Variants in BABAM1 observed in about 807,000 individuals in gnomAD.
BABAM1 encodes the protein BRISC and BRCA1 A complex member 1.
BABAM1 carries 14 observed loss-of-function variants against 34.4 expected under a neutral mutation model. The ratio of observed to expected loss-of-function variants is 0.41; its 90% confidence interval spans 0.27 to 0.64. The LOEUF (loss-of-function observed/expected upper bound fraction) is 0.64. BABAM1 is among the 30% of genes least tolerant of loss of function. BABAM1 has a pLI of 0.34. For synonymous variants in BABAM1, 169 were observed against 165.8 expected, an observed-to-expected ratio of 1.02 and a Z score of -0.15; for missense variants, 393 against 434.0, an observed-to-expected ratio of 0.91 and a Z score of 0.84.
chr19:17,273,564 G>GTTTTTT (rs754203595), intron 3 of BABAM1, among the ~76,000 whole-genome samples: 32 of 45,920 alleles, frequency 7.0e-4, no homozygotes, highest in African/African-American at 1.0e-3. Context: ...TGTTTGTTTT[G>GTTTTTT]TTTTTTTTTT....
At chr19:17,273,549 TTTTTTGTTTGTTTTG>T (rs1290125026) in intron 3 of BABAM1, among the ~76,000 whole-genome samples, 439 of 21,092 alleles carry the variant, frequency 0.021, 46 homozygotes, top group African/African-American at 0.049. Context: ...AAGGAAGTTT[TTTTTTGTTTGTTTTG>T]TTTTTTTTTT....
In BABAM1 at chr19:17,269,029, G is replaced by A; in HGVS notation, c.223G>A (p.Val75Met). The A allele has an allele frequency of 5.0e-6, 8 of 1,592,234 alleles. No individual in the cohort carries two copies. The highest frequency in any genetic ancestry group is 6.8e-6 in the Non-Finnish European group (8 of 1,170,788). ...TSGAGPKSWQ[V>M]PPPAPEVQIR... ...AGGAGCCGGCCCTAAGTCCTGGCAG[G>A]TGCCCCCGCCAGCCCCTGAGGTCCA... The change falls in exon 2 of 9, where the codon GTG becomes ATG. Residue 75 changes from valine (V) to methionine (M), a missense_variant. Transcript: ENST00000598188.
In BABAM1 at chr19:17,276,674, G is replaced by A. The variant is rs375135043; in HGVS notation, c.699+50G>A. 2.9e-5 allele frequency: 46 copies of A among 1,572,774 alleles called. No homozygotes were observed. The African/African-American group carries it at 6.2e-4, about 21-fold the overall frequency. On this transcript the variant is annotated intron_variant, in intron 7 of 8. Transcript: ENST00000598188. ...GGGTGCCTGCAGCCATGAGGATGGT[G>A]GTTAGACACCAGGAGGGACTTCCAA... is the stretch of plus-strand genomic sequence containing the variant.
intron 5 of BABAM1, among the ~76,000 whole-genome samples, chr19:17,274,767 G>C (rs530266163): frequency 1.3e-5 from 2 of 152,186 alleles, no homozygotes; most frequent in African/African-American, 2.4e-5. Context: ...GACATAAAAG[G>C]CTCATGTGTG....
At chr19:17,274,268 ACT>A (rs2145619832) in intron 5 of BABAM1, 83 bp downstream of exon 5, 1 of 1,529,160 alleles carries the variant, frequency 6.5e-7, no homozygotes, top group Non-Finnish European at 9.0e-7. Context: ...CTAAGTCATG[ACT>A]CTGGCTGGCT....
intron 5 of BABAM1, 41 bp from the exon 6 acceptor site, chr19:17,275,760 C>A (rs1483160006): frequency 6.2e-7 from 1 of 1,613,232 alleles, no homozygotes; most frequent in Non-Finnish European, 8.5e-7. Flanking sequence ...GTTTCCCGCT[C>A]ACTCGTGCTC....
chr19:17,268,713 G>A (rs2073800283), intron 1 of BABAM1, 81 bp from the exon 2 acceptor site: 1 of 1,406,364 alleles, frequency 7.1e-7, no homozygotes, highest in Admixed American at 2.7e-5. Context: ...ACAGGCATGA[G>A]CCACCGTGCC....
At chr19:17,274,498 G>T in intron 5 of BABAM1, 1 of 346,440 alleles carries the variant, frequency 2.9e-6, no homozygotes, top group Non-Finnish European at 5.4e-6. Flanking sequence ...AGTCCGGGAG[G>T]CGGAGGTTGC....
intron 2 of BABAM1, 83 bp from the exon 3 acceptor site, chr19:17,271,514 G>C: frequency 6.8e-7 from 1 of 1,477,506 alleles, no homozygotes; most frequent in South Asian, 1.2e-5. Flanking sequence ...TTTCAGACAA[G>C]GCAGCTTGAA....
chr19:17,274,551 G>T, intron 5 of BABAM1: 1 of 223,164 alleles, frequency 4.5e-6, no homozygotes, highest in Non-Finnish European at 8.9e-6. Flanking sequence ...CTGGGAGACA[G>T]AGTGAGACTC....
At chr19:17,277,202 CTTTTT>C (rs10532887) in intron 8 of BABAM1, 248 of 176,662 alleles carry the variant, frequency 1.4e-3, no homozygotes, top group South Asian at 4.3e-3. Context: ...CTTTCTTCTT[CTTTTT>C]TTTTTTTTTT....
chr19:17,274,918 T>C (rs1178817729), intron 5 of BABAM1, among the ~76,000 whole-genome samples: 1 of 152,190 alleles, frequency 6.6e-6, no homozygotes, highest in Admixed American at 6.6e-5. Context: ...GGGGACCTTT[T>C]TTTATTTTTG....
chr19:17,275,135 G>C (rs925620961), intron 5 of BABAM1, among the ~76,000 whole-genome samples: 3 of 151,604 alleles, frequency 2.0e-5, no homozygotes, highest in African/African-American at 7.3e-5. Flanking sequence ...GAATTCCTGG[G>C]CTCAAGTGAT....
chr19:17,275,665 G>T, intron 5 of BABAM1, 136 bp from the exon 6 acceptor site: 1 of 1,042,168 alleles, frequency 9.6e-7, no homozygotes, highest in South Asian at 1.3e-5. Context: ...GTGTGTCAGA[G>T]AGGGCAAGTG....
At chr19:17,273,168 C>T (rs1177060023) in intron 3 of BABAM1, among the ~76,000 whole-genome samples, 1 of 152,190 alleles carries the variant, frequency 6.6e-6, no homozygotes, top group Non-Finnish European at 1.5e-5. Context: ...GGGGCAGAGC[C>T]AGGATTCGGA....
chr19:17,275,836 T>C lies in BABAM1; in HGVS notation c.569+11T>C, dbSNP rs777885728. Reference sequence around the variant, plus strand: ...ACTTTTCAGCCTCATGTAAGTCCCCTGTGGGGAAATTCTTATTCACCTTCA... The same window carrying C: ...ACTTTTCAGCCTCATGTAAGTCCCCCGTGGGGAAATTCTTATTCACCTTCA... On this transcript the variant is annotated intron_variant, in intron 6 of 8. Coordinates refer to ENST00000598188, the MANE Select transcript of BABAM1 (RefSeq NM_014173.4). The C allele has an allele frequency of 6.2e-7, 1 of 1,612,526 alleles. No homozygotes were observed. Among genetic ancestry groups the C allele is most frequent in the South Asian group, 1.1e-5 (1 of 91,062 alleles).
chr19:17,276,572 T>A lies in BABAM1; in HGVS notation c.647T>A (p.Val216Asp). The A allele has an allele frequency of 6.2e-7, 1 of 1,606,228 alleles. No homozygotes were observed. ...PPPYVVRTIL[V>D]YSRPPCQPQF... Reference sequence around the variant, plus strand: ...CCATATGTGGTCCGCACCATCCTTGTCTACAGCCGTCCACCTTGCCAGCCC... The same window carrying A: ...CCATATGTGGTCCGCACCATCCTTGACTACAGCCGTCCACCTTGCCAGCCC... The change falls in exon 7 of 9, where the codon GTC becomes GAC. Residue 216 changes from valine to aspartate, a missense_variant. Physicochemically the swap from Val to Asp is radical, Grantham distance 152 (BLOSUM62 -3). Coordinates refer to ENST00000598188, the MANE Select transcript of BABAM1 (RefSeq NM_014173.4).
In BABAM1 at chr19:17,269,031, G is replaced by GC. The variant is rs1568332687; in HGVS notation, c.230dup (p.Pro78AlafsTer4). 6.3e-7 allele frequency: 1 copy of GC among 1,586,330 alleles called. No individual in the cohort carries two copies. On this transcript the variant is annotated frameshift_variant, in exon 2 of 9. Coordinates refer to ENST00000598188, the MANE Select transcript of BABAM1 (RefSeq NM_014173.4). LOFTEE classifies it high-confidence loss of function. Reference sequence around the variant, plus strand: ...GAGCCGGCCCTAAGTCCTGGCAGGTGCCCCCGCCAGCCCCTGAGGTCCAAA... The same window carrying GC: ...GAGCCGGCCCTAAGTCCTGGCAGGTGCCCCCCGCCAGCCCCTGAGGTCCAAA...
rs375272089 is a variant in BABAM1, at chr19:17,268,781, G to A, written c.-13-13G>A. 1.0e-4 allele frequency: 163 copies of A among 1,573,812 alleles called. No homozygotes were observed. The East Asian group carries it at 1.7e-3, about 17-fold the overall frequency. ...GGGAGGATTCTGGCTTCCCCTGTCC[G>A]TGTTCCATCTAGCCACACAGGAGCC... is the stretch of plus-strand genomic sequence containing the variant. On this transcript the variant is annotated splice_polypyrimidine_tract_variant and intron_variant, in intron 1 of 8. Transcript: ENST00000598188.
Sources: allele counts gnomAD v4.1 joint callset (sites outside exome capture counted in the v4.1 genomes callset), GRCh38; gene constraint gnomAD v4.1.1; transcripts MANE v1.5; gene names NCBI Gene and HGNC (gene_info 2026-07-23, HGNC 2026-07-21).